ANKRD12: variants seen among roughly 807,000 people sequenced by gnomAD.
The protein encoded by ANKRD12 is ankyrin repeat domain 12.
ANKRD12 carries 85 observed loss-of-function variants against 183.4 expected under a neutral mutation model. That is an observed-to-expected ratio of 0.46 (90% CI 0.39 to 0.56). ANKRD12 has a LOEUF of 0.56. ANKRD12 is among the 20% of genes least tolerant of loss of function. The pLI is 0.00. For synonymous variants in ANKRD12, 914 were observed against 800.2 expected (o/e 1.14, Z -2.40); for missense variants, 2,405 against 2,357.1 (o/e 1.02, Z -0.42).
At chr18:9,215,887 A>G (rs970913254) in intron 6 of ANKRD12, among the ~76,000 whole-genome samples, 3 of 152,126 alleles carry the variant, frequency 2.0e-5, no homozygotes, top group African/African-American at 7.2e-5. Flanking sequence ...CATCAGAGGT[A>G]TTAATAGGTG....
chr18:9,255,838 A>G lies in ANKRD12; in HGVS notation c.2571A>G (p.Lys857=). ...ATGAGCATAAGTCAGAAAAAGACAA[A>G]TTAGATCTTAGTGAATGTGTTGATA... ...IKHEHKSEKD[K]LDLSECVDKI... The change falls in exon 9 of 13, where the codon AAA becomes AAG. Residue 857 remains lysine, a synonymous_variant. Transcript: ENST00000262126. The G allele has an allele frequency of 6.3e-7, 1 of 1,581,816 alleles. No individual in the cohort carries two copies. Among genetic ancestry groups the G allele is most frequent in the Non-Finnish European group, 8.5e-7 (1 of 1,171,472 alleles).
rs2040182472 is a variant in ANKRD12, at chr18:9,284,603, AT to A, written c.*3478del. The A allele has an allele frequency of 6.6e-6, 1 of 152,180 alleles. No homozygotes were observed. Among genetic ancestry groups the A allele is most frequent in the South Asian group, 2.1e-4 (1 of 4,832 alleles). 9.4% of individuals were successfully genotyped at this position (152,180 alleles called of 1,614,324 possible). A position where few individuals can be genotyped will look rare whatever the true frequency, so the allele number is the denominator to read the frequency against. On this transcript the variant is annotated 3_prime_UTR_variant, in exon 13 of 13. Transcript: ENST00000262126. ...CTTGTGTGAGTTTAGTGGTTAAAAT[AT>A]CTTGTAATTCATCATTATTTAAGTG...
intron 8 of ANKRD12, among the ~76,000 whole-genome samples, chr18:9,253,775 G>T (rs2038434072): frequency 6.6e-6 from 1 of 152,202 alleles, no homozygotes; most frequent in Admixed American, 6.5e-5. Flanking sequence ...CACTGTTGGT[G>T]AGAAACAGCC....
intron 9 of ANKRD12, 100 bp from the exon 10 acceptor site, chr18:9,263,690 A>G (rs1567992153): frequency 1.3e-6 from 1 of 765,664 alleles, no homozygotes; most frequent in Non-Finnish European, 1.9e-6. Context: ...GGACATCAGA[A>G]TTTGTTTTTT....
chr18:9,216,935 T>C (rs770944646), intron 7 of ANKRD12, 35 bp downstream of exon 7: 17 of 1,595,494 alleles, frequency 1.1e-5, no homozygotes, highest in African/African-American at 2.7e-5. Context: ...TAATACACAT[T>C]TGCAAAATAT....
chr18:9,243,976 A>G (rs1356177650), intron 8 of ANKRD12, among the ~76,000 whole-genome samples: 1 of 152,186 alleles, frequency 6.6e-6, no homozygotes, highest in Admixed American at 6.5e-5. Flanking sequence ...TTCCGTCTCT[A>G]CTAATAAATA....
rs771409041 is a variant in ANKRD12, at chr18:9,258,225, G to A, written c.4958G>A (p.Cys1653Tyr). ...THLSRCDSDL[C>Y]EMNAGMPKGN... Reference sequence around the variant, plus strand: ...TTGAGTAGGTGTGATTCTGATTTATGTGAAATGAATGCAGGGATGCCAAAA... The same window carrying A: ...TTGAGTAGGTGTGATTCTGATTTATATGAAATGAATGCAGGGATGCCAAAA... Residue 1653 changes from cysteine to tyrosine, a missense_variant, in exon 9 of 13, where the codon TGT (cysteine) becomes TAT (tyrosine). Physicochemically the swap from Cys to Tyr is radical, Grantham distance 194. Around this residue, in one of 7 missense-constraint regions of ANKRD12, gnomAD observed 1,983 missense variants for 1,725.9 expected, o/e 1.15. Transcript: ENST00000262126. 6.8e-6 allele frequency: 11 copies of A among 1,613,716 alleles called. No homozygotes were observed. In the East Asian group the frequency reaches 2.0e-4, roughly 29 times the overall value.
rs1186909878 is a variant in ANKRD12 at position 9,255,633 on chromosome 18, G to C, written c.2366G>C (p.Gly789Ala). 6.4e-7 allele frequency: 1 copy of C among 1,574,164 alleles called. No homozygotes were observed. The highest frequency in any genetic ancestry group is 1.4e-5 in the African/African-American group (1 of 72,278). ...TDKDSEFTSLGMSAIEESIGL... is the reference protein window; with the variant it reads ...TDKDSEFTSLAMSAIEESIGL... ...AAAGACTCAGAATTTACTTCTTTGGGTATGAGTGCCATTGAGGAATCTATA... is the reference window on the plus strand; with the variant it reads ...AAAGACTCAGAATTTACTTCTTTGGCTATGAGTGCCATTGAGGAATCTATA... The change falls in exon 9 of 13, where the codon GGT (glycine) becomes GCT (alanine). Residue 789 changes from glycine to alanine, a missense_variant. Gly to Ala is a moderately conservative substitution (Grantham distance 60). Transcript: ENST00000262126.
At chr18:9,170,626 CT>C (rs1192679159) in intron 1 of ANKRD12, among the ~76,000 whole-genome samples, 1 of 151,918 alleles carries the variant, frequency 6.6e-6, no homozygotes, top group Non-Finnish European at 1.5e-5. Context: ...TTTTTCAAAG[CT>C]TTTAACTTCT....
chr18:9,161,144 A>G (rs2031352397), intron 1 of ANKRD12, among the ~76,000 whole-genome samples: 1 of 151,860 alleles, frequency 6.6e-6, no homozygotes, highest in Non-Finnish European at 1.5e-5. Flanking sequence ...ATTTTTTAAA[A>G]ACTCCTGCTT....
chr18:9,169,151 A>G lies in ANKRD12; in HGVS notation c.-51-13231A>G, dbSNP rs552536799. Among the ~76,000 whole-genome samples the G allele has an allele frequency of 7.2e-5, 11 of 152,120 alleles. No individual in the cohort carries two copies. In the South Asian group the frequency reaches 1.7e-3, roughly 23 times the overall value. ...TGCTTTACTTCCAACTATGTGGTCA[A>G]TTTTGGAGTAGGTGTGGTGCTGAAA... On this transcript the variant is annotated intron_variant, in intron 1 of 12. Transcript: ENST00000262126.
rs1187918699 is a variant in ANKRD12 at position 9,256,280 on chromosome 18, A to C, written c.3013A>C (p.Lys1005Gln). The C allele has an allele frequency of 5.6e-6, 9 of 1,606,470 alleles. No homozygotes were observed. Among genetic ancestry groups the C allele is most frequent in the Non-Finnish European group, 7.6e-6 (9 of 1,177,718 alleles). Residue 1005 changes from lysine to glutamine, a missense_variant, in exon 9 of 13, where the codon AAA (lysine) becomes CAA (glutamine). Coordinates refer to ENST00000262126, the MANE Select transcript of ANKRD12 (RefSeq NM_015208.5). ...EKPLSLKEKT[K>Q]DEPLKTPDGK... ...ACCCTTATCCCTTAAAGAAAAAACAAAAGATGAACCTTTGAAAACTCCAGA... is the reference window on the plus strand; with the variant it reads ...ACCCTTATCCCTTAAAGAAAAAACACAAGATGAACCTTTGAAAACTCCAGA...
At chr18:9,153,341 AC>A (rs2029888425) in intron 1 of ANKRD12, among the ~76,000 whole-genome samples, 1 of 152,350 alleles carries the variant, frequency 6.6e-6, no homozygotes. Flanking sequence ...GAATATTACT[AC>A]ATTGTTTTCT....
intron 1 of ANKRD12, among the ~76,000 whole-genome samples, chr18:9,181,005 G>A (rs1209405946): frequency 6.6e-6 from 1 of 152,082 alleles, no homozygotes; most frequent in Non-Finnish European, 1.5e-5. Context: ...AACTCCATAA[G>A]CTTTACCAGT....
chr18:9,144,581 A>G (rs1446825801), intron 1 of ANKRD12, among the ~76,000 whole-genome samples: 2 of 152,232 alleles, frequency 1.3e-5, no homozygotes, highest in Non-Finnish European at 2.9e-5. Flanking sequence ...CGTATTCATT[A>G]TGAAGTGCTA....
chr18:9,173,903 A>G (rs1018088882), intron 1 of ANKRD12, among the ~76,000 whole-genome samples: 19 of 152,342 alleles, frequency 1.2e-4, no homozygotes, highest in African/African-American at 4.1e-4. Context: ...AGAAGAAGAA[A>G]GGCTTAGTCA....
intron 11 of ANKRD12, among the ~76,000 whole-genome samples, chr18:9,278,932 T>C (rs973128611): frequency 2.0e-5 from 3 of 152,126 alleles, no homozygotes; most frequent in Non-Finnish European, 4.4e-5. Context: ...TAGACACTTT[T>C]CATTCTCAAA....
At chr18:9,168,266 A>G (rs866455449) in intron 1 of ANKRD12, among the ~76,000 whole-genome samples, 13 of 152,062 alleles carry the variant, frequency 8.5e-5, no homozygotes, top group African/African-American at 1.4e-4. Flanking sequence ...CTCTTTTTCT[A>G]TTGATTGGAA....
chr18:9,244,879 G>A (rs751526529), intron 8 of ANKRD12, among the ~76,000 whole-genome samples: 3 of 152,110 alleles, frequency 2.0e-5, no homozygotes, highest in Non-Finnish European at 4.4e-5. Flanking sequence ...AAAATCAAGC[G>A]TAATACTTTA....
Sources: gnomAD v4.1 joint callset for allele counts (sites outside exome capture counted in the v4.1 genomes callset) on GRCh38, gnomAD v4.1.1 for gene constraint, gnomAD v4.1.1 regional missense constraint, MANE v1.5 for transcripts, NCBI Gene and HGNC (gene_info 2026-07-23, HGNC 2026-07-21) for gene names.